TBCE: variants seen among roughly 807,000 people sequenced by gnomAD.
The protein encoded by TBCE is tubulin folding cofactor E.
Under a neutral mutation model 77.0 loss-of-function variants are expected in TBCE, and 53 were observed. That is an observed-to-expected ratio of 0.69 (90% CI 0.55 to 0.87). TBCE has a LOEUF of 0.87. Ranked by LOEUF, TBCE falls within the 40% of genes least tolerant of loss-of-function variation. The probability of loss-of-function intolerance (pLI) is 0.00; values close to 1 mark genes in which losing one functional copy is unlikely to be tolerated. For synonymous variants in TBCE, 235 were observed against 241.3 expected, an observed-to-expected ratio of 0.97 and a Z score of 0.24; for missense variants, 624 against 622.4, an observed-to-expected ratio of 1.00 and a Z score of -0.03.
chr1:235,417,777 T>C (rs1363814934), intron 4 of TBCE, among the ~76,000 whole-genome samples: 2 of 152,106 alleles, frequency 1.3e-5, no homozygotes, highest in Non-Finnish European at 2.9e-5. Context: ...TTGTTGTTGT[T>C]TCTTGTTTTT....
chr1:235,436,212 A>T, intron 9 of TBCE, 174 bp from the exon 10 acceptor site: 1 of 653,732 alleles, frequency 1.5e-6, no homozygotes, highest in Non-Finnish European at 2.7e-6. Flanking sequence ...TCATTAGAAT[A>T]CAGGATAAAG....
intron 4 of TBCE, among the ~76,000 whole-genome samples, chr1:235,416,297 T>G (rs576926433): frequency 6.6e-6 from 1 of 151,862 alleles, no homozygotes; most frequent in South Asian, 2.1e-4. Context: ...CTTTATTTTT[T>G]CCCATTTAAA....
At chr1:235,442,708 A>T in intron 14 of TBCE, 144 bp from the exon 15 acceptor site, 1 of 726,062 alleles carries the variant, frequency 1.4e-6, no homozygotes, top group Non-Finnish European at 2.4e-6. Context: ...TGGAAGGATT[A>T]ATAGAAAGAA....
intron 2 of TBCE, among the ~76,000 whole-genome samples, chr1:235,381,733 A>G (rs11583809): frequency 0.16 from 23,001 of 146,220 alleles, 2,548 homozygotes; most frequent in African/African-American, 0.31. Flanking sequence ...CTTTATTGTA[A>G]TTGGCCTGAT....
rs750531445 is a variant in TBCE at position 235,430,715 on chromosome 1, C to A, written c.571C>A (p.Leu191Ile). ...TTTTTTTCTACACAGTGAAAATAAA[C>A]TAAAATTTCCCTCCGGTTCAGTATT... ...LEVLNVSENK[L>I]KFPSGSVLTG... The change falls in exon 7 of 17, where the codon CTA becomes ATA. Residue 191 changes from leucine to isoleucine, a missense_variant. Coordinates refer to ENST00000642610, the MANE Select transcript of TBCE (RefSeq NM_003193.5). 1.2e-6 allele frequency: 2 copies of A among 1,612,310 alleles called. No individual in the cohort carries two copies. The highest frequency in any genetic ancestry group is 1.1e-5 in the South Asian group (1 of 90,866).
At chr1:235,381,013 G>C (rs1228536512) in intron 2 of TBCE, among the ~76,000 whole-genome samples, 1 of 151,956 alleles carries the variant, frequency 6.6e-6, no homozygotes, top group Non-Finnish European at 1.5e-5. Flanking sequence ...TCGAACTCCT[G>C]AGGTGTTCTG....
intron 2 of TBCE, among the ~76,000 whole-genome samples, chr1:235,393,623 A>C (rs1286727579): frequency 5.9e-5 from 9 of 151,834 alleles, no homozygotes; most frequent in Admixed American, 1.3e-4. Context: ...TTTTTCATTT[A>C]CTGTATTGAA....
intron 15 of TBCE, 129 bp from the exon 16 acceptor site, chr1:235,448,220 C>CAAAAAAAAAAAAAAA (rs59405398): frequency 2.4e-6 from 1 of 419,902 alleles, no homozygotes; most frequent in African/African-American, 3.4e-5. Context: ...AAGTCAGTCT[C>CAAAAAAAAAAAAAAA]AAAAAAAAAA....
At chr1:235,424,401 C>A (rs907545947) in intron 5 of TBCE, among the ~76,000 whole-genome samples, 1 of 88,044 alleles carries the variant, frequency 1.1e-5, no homozygotes, top group Non-Finnish European at 2.1e-5. Context: ...CTTGGCTCAC[C>A]GCAACCTTCT....
intron 4 of TBCE, among the ~76,000 whole-genome samples, chr1:235,417,973 G>A (rs1680196480): frequency 1.3e-5 from 2 of 152,168 alleles, no homozygotes; most frequent in South Asian, 4.1e-4. Context: ...GTAGAGACAG[G>A]GTTTCACCAT....
At chr1:235,370,410 G>A (rs1266468186) in intron 1 of TBCE, among the ~76,000 whole-genome samples, 4 of 151,678 alleles carry the variant, frequency 2.6e-5, no homozygotes, top group Admixed American at 6.6e-5. Flanking sequence ...ATGCCACCAT[G>A]CCTGGCTAAT....
intron 3 of TBCE, among the ~76,000 whole-genome samples, chr1:235,410,985 T>A (rs1679752869): frequency 6.6e-6 from 1 of 152,200 alleles, no homozygotes; most frequent in South Asian, 2.1e-4. Context: ...ACAAAGAGTA[T>A]AATCACAGCA....
chr1:235,414,447 G>A lies in TBCE; in HGVS notation c.200G>A (p.Gly67Glu). The change falls in exon 4 of 17, where the codon GGA becomes GAA. Residue 67 changes from glycine (G) to glutamate (E), a missense_variant. Gly to Glu is a moderately conservative substitution (Grantham distance 98). Coordinates refer to ENST00000642610, the MANE Select transcript of TBCE (RefSeq NM_003193.5). Reference protein sequence around the residue: ...VYFKCRHPTGGSFIRPNKVNF... With the variant: ...VYFKCRHPTGESFIRPNKVNF... ...TTCTTTACCAGGCACCCGACAGGAG[G>A]ATCCTTTATTCGTCCGAACAAGGTA... 1 of 1,613,710 alleles carries A rather than the reference G, an allele frequency of 6.2e-7. No individual in the cohort carries two copies. Among genetic ancestry groups the A allele is most frequent in the Non-Finnish European group, 8.5e-7 (1 of 1,179,968 alleles).
intron 14 of TBCE, 32 bp from the exon 15 acceptor site, chr1:235,442,820 T>C: frequency 6.2e-7 from 1 of 1,600,362 alleles, no homozygotes; most frequent in Non-Finnish European, 8.6e-7. Flanking sequence ...ATAGTAGATA[T>C]CAATTAGTCT....
intron 3 of TBCE, among the ~76,000 whole-genome samples, chr1:235,410,436 C>G (rs756574424): frequency 1.3e-5 from 2 of 152,046 alleles, no homozygotes; most frequent in Non-Finnish European, 2.9e-5. Flanking sequence ...TGTAAACTGT[C>G]ATGGTGCTGG....
Position 235,434,206 on chromosome 1 carries a change from G to A in TBCE, c.663G>A (p.Val221=). 1 of 1,614,112 alleles carries A rather than the reference G, an allele frequency of 6.2e-7. No homozygotes were observed. Among genetic ancestry groups the A allele is most frequent in the East Asian group, 2.2e-5 (1 of 44,890 alleles). The stretch of plus-strand genomic sequence containing the variant: ...CCTGAACCGAGTTTCTCTTCCAGGT[G>A]CTGCGGTGTGTCGCGGGGTGCCCAG... ...LNQTGITWAE[V]LRCVAGCPGL... is the part of the protein sequence containing the mutation. The change falls in exon 8 of 17, where the codon GTG becomes GTA. Residue 221 remains valine (V), a splice_region_variant and synonymous_variant. Coordinates refer to ENST00000642610, the MANE Select transcript of TBCE (RefSeq NM_003193.5).
At chr1:235,421,660 G>A (rs1680406542) in intron 5 of TBCE, among the ~76,000 whole-genome samples, 1 of 152,052 alleles carries the variant, frequency 6.6e-6, no homozygotes, top group Middle Eastern at 3.2e-3. Flanking sequence ...AGTGAGTGAG[G>A]TCATGCCATT....
At chr1:235,392,557 C>A (rs554952201) in intron 2 of TBCE, among the ~76,000 whole-genome samples, 3 of 151,386 alleles carry the variant, frequency 2.0e-5, no homozygotes, top group South Asian at 2.1e-4. Context: ...ATTACAGGCA[C>A]CCCCCTCCAT....
chr1:235,412,413 A>G (rs1318111573), intron 3 of TBCE, among the ~76,000 whole-genome samples: 1 of 150,230 alleles, frequency 6.7e-6, no homozygotes, highest in Non-Finnish European at 1.5e-5. Flanking sequence ...TATTTTTAAT[A>G]GAGGCAGGGT....
Sources: gnomAD v4.1 joint callset for allele counts (sites outside exome capture counted in the v4.1 genomes callset) on GRCh38, gnomAD v4.1.1 for gene constraint, MANE v1.5 for transcripts, NCBI Gene and HGNC (gene_info 2026-07-23, HGNC 2026-07-21) for gene names.